Variants in CPLX1 observed in about 807,000 individuals in gnomAD.
CPLX1 encodes complexin 1.
CPLX1 carries 6 observed loss-of-function variants against 15.6 expected under a neutral mutation model. The observed-to-expected ratio is 0.39, with a 90% CI of 0.21 to 0.76. CPLX1 has a LOEUF of 0.76. Ranked by LOEUF, CPLX1 falls within the 30% of genes least tolerant of loss-of-function variation. CPLX1 has a pLI of 0.43. For missense variants in CPLX1, 242 were observed against 188.6 expected (o/e 1.28, Z -1.66); for synonymous variants, 91 against 75.2 (o/e 1.21, Z -1.08).
At chr4:800,849 G>GTATATATATATA (rs763825494) in intron 2 of CPLX1, among the ~76,000 whole-genome samples, 3 of 131,688 alleles carry the variant, frequency 2.3e-5, no homozygotes, top group African/African-American at 8.4e-5. Flanking sequence ...GTATATATAT[G>GTATATATATATA]TATATATATA....
chr4:790,476 T>C (rs893467970), intron 3 of CPLX1, among the ~76,000 whole-genome samples: 3 of 152,074 alleles, frequency 2.0e-5, no homozygotes, highest in Admixed American at 6.5e-5. Flanking sequence ...CTCCCTGGCA[T>C]CTCCCAGTCT....
At chr4:807,788 A>AT (rs1467211733) in intron 2 of CPLX1, among the ~76,000 whole-genome samples, 3 of 152,072 alleles carry the variant, frequency 2.0e-5, no homozygotes, top group Non-Finnish European at 2.9e-5. Context: ...CTGGCCTTAA[A>AT]TTTTTTTTAA....
chr4:814,239 A>T (rs972033801), intron 2 of CPLX1, among the ~76,000 whole-genome samples: 3 of 151,682 alleles, frequency 2.0e-5, no homozygotes, highest in Admixed American at 6.6e-5. Flanking sequence ...TTTAAGACGG[A>T]GTCTCGCTCT....
intron 3 of CPLX1, among the ~76,000 whole-genome samples, chr4:792,204 C>T (rs900061157): frequency 2.0e-5 from 3 of 152,232 alleles, no homozygotes; most frequent in Non-Finnish European, 4.4e-5. Context: ...CTAGGAAGCC[C>T]GCCAGGGCTG....
chr4:794,885 C>T (rs928002026), intron 2 of CPLX1, among the ~76,000 whole-genome samples: 1 of 152,170 alleles, frequency 6.6e-6, no homozygotes, highest in African/African-American at 2.4e-5. Context: ...GGTCTGGTCG[C>T]GGGAGCCGGC....
chr4:793,247 G>C (rs1397401623), intron 2 of CPLX1, among the ~76,000 whole-genome samples: 1 of 152,196 alleles, frequency 6.6e-6, no homozygotes, highest in Non-Finnish European at 1.5e-5. Context: ...AGGTCACCAA[G>C]TCTGACCCCT....
intron 2 of CPLX1, among the ~76,000 whole-genome samples, chr4:821,677 G>A (rs554468569): frequency 1.6e-4 from 25 of 152,298 alleles, no homozygotes; most frequent in Middle Eastern, 3.4e-3. Flanking sequence ...CCGGACCCAC[G>A]TGTTGTGGGG....
At chr4:795,408 G>A (rs1225478266) in intron 2 of CPLX1, among the ~76,000 whole-genome samples, 2 of 152,192 alleles carry the variant, frequency 1.3e-5, no homozygotes, top group Non-Finnish European at 1.5e-5. Flanking sequence ...GCATCCGCAG[G>A]AGGGCGGCGC....
intron 1 of CPLX1, chr4:824,961 C>T: frequency 8.3e-6 from 3 of 361,026 alleles, no homozygotes; most frequent in Admixed American, 3.8e-5. Context: ...GGAGCGGCGC[C>T]TCCGCGGTGG....
intron 2 of CPLX1, among the ~76,000 whole-genome samples, chr4:805,973 TTAGTG>T (rs1334447640): frequency 6.6e-6 from 1 of 152,040 alleles, no homozygotes; most frequent in Admixed American, 6.6e-5. Flanking sequence ...GAGTGAGTGT[TTAGTG>T]TAGACAGAGT....
chr4:788,842 C>A (rs1159046944), intron 3 of CPLX1, among the ~76,000 whole-genome samples: 1 of 152,250 alleles, frequency 6.6e-6, no homozygotes, highest in East Asian at 1.9e-4. Context: ...GTGCTGCCCA[C>A]AGCAAAAGCA....
intron 2 of CPLX1, among the ~76,000 whole-genome samples, chr4:821,061 A>T (rs1176978394): frequency 2.0e-5 from 3 of 152,044 alleles, no homozygotes; most frequent in Admixed American, 6.5e-5. Context: ...CCAGATGTTC[A>T]CCTGCTTCCC....
At chr4:788,647 C>A (rs990018414) in intron 3 of CPLX1, 11 of 952,074 alleles carry the variant, frequency 1.2e-5, no homozygotes, top group African/African-American at 3.5e-5. Context: ...CCATCCACAG[C>A]GGGAAGGGCA....
chr4:794,567 C>T (rs945265987), intron 2 of CPLX1, among the ~76,000 whole-genome samples: 1 of 152,202 alleles, frequency 6.6e-6, no homozygotes, highest in African/African-American at 2.4e-5. Flanking sequence ...GGACCAAAAT[C>T]TCTCTGCCTC....
At chr4:806,781 C>T (rs1746562582) in intron 2 of CPLX1, among the ~76,000 whole-genome samples, 1 of 152,202 alleles carries the variant, frequency 6.6e-6, no homozygotes, top group Admixed American at 6.5e-5. Context: ...GAGATACCAT[C>T]TCATACCAGT....
chr4:786,590 C>T lies in CPLX1; in HGVS notation c.316G>A (p.Gly106Arg). 2 of 1,611,208 alleles carry T rather than the reference C, an allele frequency of 1.2e-6. No homozygotes were observed. Among genetic ancestry groups the T allele is most frequent in the Non-Finnish European group, 1.7e-6 (2 of 1,178,880 alleles). The change falls in exon 4 of 4, where the codon GGG becomes AGG. Residue 106 changes from glycine to arginine, a missense_variant. Coordinates refer to ENST00000304062, the MANE Select transcript of CPLX1 (RefSeq NM_006651.4). ...TCGTCCTCCTCCTCCACCTCGTCCC[C>T]GCAGCCCGGCGGGATGGCCTTCTTG... ...RPKKAIPPGC[G>R]DEVEEEDESI...
intron 2 of CPLX1, among the ~76,000 whole-genome samples, chr4:812,964 T>A (rs1746690777): frequency 6.6e-6 from 1 of 151,566 alleles, no homozygotes; most frequent in Admixed American, 6.6e-5. Context: ...CCCACTAAGA[T>A]GGGAGTAAAG....
At chr4:794,719 A>G (rs1156320138) in intron 2 of CPLX1, among the ~76,000 whole-genome samples, 1 of 152,196 alleles carries the variant, frequency 6.6e-6, no homozygotes, top group Non-Finnish European at 1.5e-5. Flanking sequence ...TCCCTCCTGG[A>G]AAGGACTGGC....
chr4:809,320 C>T (rs1399569926), intron 2 of CPLX1, among the ~76,000 whole-genome samples: 1 of 152,188 alleles, frequency 6.6e-6, no homozygotes, highest in Non-Finnish European at 1.5e-5. Context: ...CGGGGTGGGG[C>T]CCGGCCAAAG....
Sources: gnomAD v4.1 joint callset for allele counts (sites outside exome capture counted in the v4.1 genomes callset) on GRCh38, gnomAD v4.1.1 for gene constraint, MANE v1.5 for transcripts, NCBI Gene and HGNC (gene_info 2026-07-23, HGNC 2026-07-21) for gene names.